The following SLC25A48 variants were observed in gnomAD, a reference collection of about 807,000 sequenced individuals.
SLC25A48 encodes the protein CTC-321K16.1.
In SLC25A48, 29 loss-of-function variants were observed where a neutral mutation model predicts 32.2. The observed-to-expected ratio is 0.90, with a 90% CI of 0.67 to 1.23. The LOEUF (loss-of-function observed/expected upper bound fraction) is 1.23, where lower values mean the gene tolerates loss of function less well. Among genes scored for constraint, SLC25A48 ranks in the 50% most tolerant of loss-of-function variants. The probability of loss-of-function intolerance (pLI) is 0.00; values close to 1 mark genes in which losing one functional copy is unlikely to be tolerated. For synonymous variants in SLC25A48, 164 were observed against 172.3 expected (o/e 0.95, Z 0.38); for missense variants, 399 against 422.7 (o/e 0.94, Z 0.49).
chr5:135,742,236 C>T (rs1482926596), intron 3 of SLC25A48, among the ~76,000 whole-genome samples: 1 of 152,184 alleles, frequency 6.6e-6, no homozygotes, highest in Non-Finnish European at 1.5e-5. Flanking sequence ...TGTGCTACCA[C>T]ACCCAGCTAA....
intron 1 of SLC25A48, among the ~76,000 whole-genome samples, chr5:135,616,895 A>G (rs1752203245): frequency 6.6e-6 from 1 of 152,184 alleles, no homozygotes; most frequent in African/African-American, 2.4e-5. Flanking sequence ...TTCTATGTTC[A>G]TCAGGGATAT....
At chr5:135,746,381 G>GT (rs1327022787) in intron 3 of SLC25A48, 2 of 171,754 alleles carry the variant, frequency 1.2e-5, no homozygotes, top group Admixed American at 1.3e-4. Flanking sequence ...CAAGACCACA[G>GT]TTACAGCAGC....
At chr5:135,625,825 G>A (rs974128578) in intron 1 of SLC25A48, among the ~76,000 whole-genome samples, 1 of 149,382 alleles carries the variant, frequency 6.7e-6, no homozygotes, top group Non-Finnish European at 1.5e-5. Context: ...AACCAGGAAG[G>A]AGACCCTCAG....
At chr5:135,650,244 C>T (rs1753074852) in intron 3 of SLC25A48, 1 of 346,012 alleles carries the variant, frequency 2.9e-6, no homozygotes. Context: ...CAGCTTGATT[C>T]TCTAAGCCAC....
chr5:135,751,677 T>C (rs1328287977), intron 3 of SLC25A48, among the ~76,000 whole-genome samples: 1 of 151,902 alleles, frequency 6.6e-6, no homozygotes, highest in Non-Finnish European at 1.5e-5. Context: ...CTACAAAAAA[T>C]GTAAAAATTA....
At chr5:135,658,279 A>G (rs1753302864) in intron 3 of SLC25A48, among the ~76,000 whole-genome samples, 1 of 152,232 alleles carries the variant, frequency 6.6e-6, no homozygotes, top group South Asian at 2.1e-4. Flanking sequence ...CAAAGGAGCT[A>G]CAGGCTCTGT....
chr5:135,688,324 T>C (rs1327476687), intron 3 of SLC25A48, among the ~76,000 whole-genome samples: 1 of 152,170 alleles, frequency 6.6e-6, no homozygotes, highest in Admixed American at 6.6e-5. Context: ...CTTTTTTTTT[T>C]AACAGCCTCT....
At chr5:135,587,022 A>AT (rs549657099) in intron 1 of SLC25A48, among the ~76,000 whole-genome samples, 21 of 151,818 alleles carry the variant, frequency 1.4e-4, no homozygotes, top group Admixed American at 6.6e-4. Flanking sequence ...AGGGCATTGT[A>AT]TTTTTTTTGT....
Position 135,792,296 on chromosome 5 carries a change from C to G in SLC25A48, c.-520-20227C>G, listed in dbSNP as rs147976847. Among the ~76,000 whole-genome samples the G allele has an allele frequency of 5.3e-3, 798 of 151,764 alleles. 4 individuals carry two copies. Among genetic ancestry groups the G allele is most frequent in the Middle Eastern group, 0.02 (6 of 294 alleles). On this transcript the variant is annotated intron_variant, in intron 3 of 10. Coordinates refer to the SLC25A48 transcript ENST00000646290. The stretch of plus-strand genomic sequence containing the variant: ...CCCCTGTGATATTATTCGTAGTAAG[C>G]TAGGGGGATATTATCTCTAATATTT...
intron 4 of SLC25A48, among the ~76,000 whole-genome samples, chr5:135,828,338 G>A (rs925858366): frequency 2.6e-5 from 4 of 152,218 alleles, no homozygotes; most frequent in South Asian, 2.1e-4. Flanking sequence ...GTGTTACTGC[G>A]TGCCAGTCAT....
chr5:135,630,068 C>T (rs945813173), intron 2 of SLC25A48, among the ~76,000 whole-genome samples: 16 of 152,160 alleles, frequency 1.1e-4, no homozygotes, highest in Admixed American at 4.6e-4. Context: ...TTTGTTCTTA[C>T]CCGCAGCTTA....
intron 1 of SLC25A48, among the ~76,000 whole-genome samples, chr5:135,620,312 G>A (rs1752294477): frequency 6.6e-6 from 1 of 152,126 alleles, no homozygotes; most frequent in Admixed American, 6.5e-5. Flanking sequence ...GTATGCTTGG[G>A]TGTCATGGGG....
chr5:135,646,437 C>T (rs1025290880), intron 3 of SLC25A48, among the ~76,000 whole-genome samples: 1 of 151,942 alleles, frequency 6.6e-6, no homozygotes, highest in African/African-American at 2.4e-5. Flanking sequence ...GTTCTGGTGA[C>T]TTCTGAGCCA....
At chr5:135,742,960 C>T (rs116822534) in intron 3 of SLC25A48, among the ~76,000 whole-genome samples, 1,654 of 7,222 alleles carry the variant, frequency 0.23, 357 homozygotes, top group Non-Finnish European at 0.36. Context: ...GGAGACCTCC[C>T]CCTCCCCCTC....
rs373550771 is a variant in SLC25A48, at chr5:135,715,532, G to T, written c.-521+80576G>T. 8.0e-4 allele frequency among the ~76,000 whole-genome samples: 122 copies of T among 152,302 alleles called. 5 individuals are homozygous for T. In the South Asian group the frequency reaches 0.024, roughly 30 times the overall value. ...TGGGCTATTACAGACACTTGTAGCT[G>T]CTGGGTGAAATGCTGCCCAGGAGCG... On this transcript the variant is annotated intron_variant, in intron 3 of 10. Transcript: ENST00000646290.
intron 3 of SLC25A48, among the ~76,000 whole-genome samples, chr5:135,723,380 T>TCTCTCTCTCACACACACACA (rs1356362581): frequency 1.8e-5 from 2 of 111,714 alleles, no homozygotes; most frequent in African/African-American, 6.8e-5. Flanking sequence ...TCTCTCTCTC[T>TCTCTCTCTCACACACACACA]CACACACACA....
chr5:135,774,513 G>A (rs1477569327), intron 3 of SLC25A48, among the ~76,000 whole-genome samples: 3 of 151,136 alleles, frequency 2.0e-5, no homozygotes, highest in African/African-American at 7.3e-5. Context: ...GCATGCACAT[G>A]CCCCCTGTGA....
At chr5:135,818,313 A>G (rs1158411666) in intron 4 of SLC25A48, among the ~76,000 whole-genome samples, 1 of 152,216 alleles carries the variant, frequency 6.6e-6, no homozygotes, top group African/African-American at 2.4e-5. Context: ...CCAGAAAAGC[A>G]GTCCTCTAAT....
chr5:135,692,739 G>A (rs1038186599), intron 3 of SLC25A48, among the ~76,000 whole-genome samples: 2 of 152,146 alleles, frequency 1.3e-5, no homozygotes, highest in African/African-American at 4.8e-5. Context: ...AAATTTACAT[G>A]CAATGCAGCC....
Sources: allele counts gnomAD v4.1 joint callset (sites outside exome capture counted in the v4.1 genomes callset), GRCh38; gene constraint gnomAD v4.1.1; transcripts MANE v1.5; gene names NCBI Gene and HGNC (gene_info 2026-07-23, HGNC 2026-07-21).